Variants in DGKI observed in about 807,000 individuals in gnomAD.
The protein encoded by DGKI is DAG kinase iota.
DGKI carries 55 observed loss-of-function variants against 147.5 expected under a neutral mutation model. The ratio of observed to expected loss-of-function variants is 0.37; its 90% CI spans 0.30 to 0.47. The LOEUF (loss-of-function observed/expected upper bound fraction) is 0.47, where lower values mean the gene tolerates loss of function less well. Among genes scored for constraint, DGKI ranks in the 20% least tolerant of loss-of-function variants. The pLI is 1.00. For missense variants in DGKI, 1,007 were observed against 1,323.8 expected (o/e 0.76, Z 3.71); for synonymous variants, 469 against 477.1 (o/e 0.98, Z 0.22).
chr7:137,548,025 G>C (rs28660675), intron 20 of DGKI, among the ~76,000 whole-genome samples: 17 of 152,136 alleles, frequency 1.1e-4, no homozygotes, highest in African/African-American at 4.1e-4. Context: ...GAATGAAGAA[G>C]GGAGTGATCA....
At chr7:137,807,415 C>A (rs765366248) in intron 1 of DGKI, among the ~76,000 whole-genome samples, 1 of 152,204 alleles carries the variant, frequency 6.6e-6, no homozygotes, top group African/African-American at 2.4e-5. Context: ...CATTTATGCA[C>A]GAGCTACCTC....
At chr7:137,675,142 A>G (rs1822986162) in intron 3 of DGKI, among the ~76,000 whole-genome samples, 1 of 152,186 alleles carries the variant, frequency 6.6e-6, no homozygotes, top group South Asian at 2.1e-4. Context: ...GAGCATTTAA[A>G]CTAAAGACTC....
chr7:137,838,543 C>T (rs1041214155), intron 1 of DGKI, among the ~76,000 whole-genome samples: 1 of 152,106 alleles, frequency 6.6e-6, no homozygotes, highest in African/African-American at 2.4e-5. Context: ...ACAAGCCTGA[C>T]ATCTTTCTCA....
At chr7:137,417,809 G>A (rs560494301) in intron 28 of DGKI, among the ~76,000 whole-genome samples, 17 of 152,308 alleles carry the variant, frequency 1.1e-4, no homozygotes, top group Non-Finnish European at 2.4e-4. Flanking sequence ...TTTCCACCAT[G>A]TGAGGACACA....
rs1821492390 is a variant in DGKI at position 137,638,627 on chromosome 7, T to TGTATATATACAC, written c.804+6844_804+6845insGTGTATATATAC. Among the ~76,000 whole-genome samples, 2 of 8,044 alleles carry TGTATATATACAC rather than the reference T, an allele frequency of 2.5e-4. 1 individual carries two copies. The highest frequency in any genetic ancestry group is 3.8e-4 in the Non-Finnish European group (2 of 5,206). The allele number at this position is 8,044 out of a possible 152,430, so 5.3% of individuals were successfully genotyped here. On this transcript the variant is annotated intron_variant, in intron 6 of 32. Transcript: ENST00000614521. ...GTATATATATACACACACACATATA[T>TGTATATATACAC]ATGTGTGTATATATGTGTATGTATA... is the stretch of plus-strand genomic sequence containing the variant.
chr7:137,565,682 C>T (rs570784432), intron 19 of DGKI, among the ~76,000 whole-genome samples: 2 of 152,076 alleles, frequency 1.3e-5, no homozygotes, highest in Non-Finnish European at 2.9e-5. Context: ...ATGCTTTGAA[C>T]GTCTTGAGAA....
At chr7:137,748,049 A>T (rs948750822) in intron 1 of DGKI, among the ~76,000 whole-genome samples, 1 of 152,182 alleles carries the variant, frequency 6.6e-6, no homozygotes, top group Non-Finnish European at 1.5e-5. Flanking sequence ...GAGAGGGAAA[A>T]GATTCAAATT....
chr7:137,846,731 G>T lies in DGKI; in HGVS notation c.132C>A (p.Pro44=). Residue 44 remains proline (P), a synonymous_variant, in exon 1 of 33, where the codon CCC becomes CCA. Transcript: ENST00000614521. The surrounding 1 kb of genome is among the most constrained non-coding windows in gnomAD (Gnocchi z 4.0). ...PGPCSGAACA[P]SAAAGAGAMN... The stretch of plus-strand genomic sequence containing the variant: ...TGGCGCCCGCTCCGGCGGCCGCGGA[G>T]GGAGCGCAGGCGGCGCCGCTGCAGG... The T allele has an allele frequency of 9.9e-7, 1 of 1,013,182 alleles. No individual in the cohort carries two copies. Among genetic ancestry groups the T allele is most frequent in the East Asian group, 1.0e-4 (1 of 9,866 alleles). 62.8% of individuals were successfully genotyped at this position (1,013,182 alleles called of 1,614,324 possible).
At chr7:137,395,529 A>G (rs2128893697) in intron 32 of DGKI, 69 bp downstream of exon 32, 1 of 1,462,076 alleles carries the variant, frequency 6.8e-7, no homozygotes, top group Middle Eastern at 1.7e-4. Context: ...TGCTATGGTC[A>G]CAAGCAAAGG....
intron 26 of DGKI, among the ~76,000 whole-genome samples, chr7:137,464,314 C>T (rs562032349): frequency 5.3e-4 from 80 of 150,264 alleles, no homozygotes; most frequent in African/African-American, 1.7e-3. Flanking sequence ...TGAGCAAAGA[C>T]CAGGGCAACT....
chr7:137,554,463 T>C (rs1818153341), intron 19 of DGKI, among the ~76,000 whole-genome samples: 1 of 152,188 alleles, frequency 6.6e-6, no homozygotes, highest in Non-Finnish European at 1.5e-5. Flanking sequence ...TGCTTTTCTG[T>C]GACTTGAGAG....
At chr7:137,414,398 C>T (rs960851937) in intron 28 of DGKI, among the ~76,000 whole-genome samples, 1 of 152,044 alleles carries the variant, frequency 6.6e-6, no homozygotes, top group Non-Finnish European at 1.5e-5. Context: ...CTTTGCATTC[C>T]CCTGTGAACC....
intron 1 of DGKI, among the ~76,000 whole-genome samples, chr7:137,694,319 CAAAAAA>C (rs56163124): frequency 1.3e-5 from 1 of 77,752 alleles, no homozygotes; most frequent in Non-Finnish European, 2.6e-5. Context: ...GACTCCGTCT[CAAAAAA>C]AAAAAAAAAA....
chr7:137,767,532 G>GAAGAGAAGAC (rs1796054907), intron 1 of DGKI, among the ~76,000 whole-genome samples: 3 of 134,794 alleles, frequency 2.2e-5, no homozygotes, highest in Non-Finnish European at 4.8e-5. Flanking sequence ...GAAGAGAAGA[G>GAAGAGAAGAC]TAGAGTAGGA....
intron 31 of DGKI, 121 bp from the exon 32 acceptor site, chr7:137,395,818 G>T: frequency 1.3e-6 from 1 of 799,154 alleles, no homozygotes; most frequent in Non-Finnish European, 2.0e-6. Flanking sequence ...TGAGACTTTG[G>T]CTGTAGGGTA....
chr7:137,533,735 A>G (rs1817422061), intron 20 of DGKI, among the ~76,000 whole-genome samples: 2 of 152,190 alleles, frequency 1.3e-5, no homozygotes, highest in Admixed American at 6.5e-5. Flanking sequence ...AATATATTAT[A>G]AGACTGAAAG....
intron 17 of DGKI, 94 bp from the exon 18 acceptor site, chr7:137,572,932 T>C: frequency 1.2e-6 from 1 of 827,716 alleles, no homozygotes; most frequent in South Asian, 1.8e-5. Flanking sequence ...CACACCATGG[T>C]CTCTTTCTCC....
At chr7:137,763,944 C>T (rs1040168972) in intron 1 of DGKI, among the ~76,000 whole-genome samples, 12 of 152,180 alleles carry the variant, frequency 7.9e-5, no homozygotes, top group Non-Finnish European at 8.8e-5. Context: ...AAAAACAGAC[C>T]GCTAAATAAG....
rs749921199 is a variant in DGKI at position 137,585,218 on chromosome 7, G to A, written c.1554C>T (p.Gly518=). 47 of 1,613,996 alleles carry A rather than the reference G, an allele frequency of 2.9e-5. No individual in the cohort carries two copies. In the East Asian group the frequency reaches 7.8e-4, roughly 27 times the overall value. The change falls in exon 14 of 33, where the codon GGC becomes GGT. Residue 518 remains glycine (G), a synonymous_variant. Transcript: ENST00000614521. ...PDLPPEELED[G]VCKLPLNVFN... ...CAAAAAACTCTCTAACCTTACATAC[G>A]CCATCTTCAAGTTCTTCTGGAGGCA...
Sources: gnomAD v4.1 joint callset for allele counts (sites outside exome capture counted in the v4.1 genomes callset) on GRCh38, gnomAD v4.1.1 for gene constraint, Gnocchi (gnomAD v3.1) non-coding constraint, MANE v1.5 for transcripts, NCBI Gene and HGNC (gene_info 2026-07-23, HGNC 2026-07-21) for gene names.